TRPC4: variants seen among roughly 807,000 people sequenced by gnomAD.
TRPC4 encodes the protein transient receptor potential cation channel subfamily C member 4, also known as short transient receptor potential channel 4.
TRPC4 carries 49 observed loss-of-function variants against 99.4 expected under a neutral mutation model. The observed-to-expected ratio is 0.49, with a 90% CI of 0.39 to 0.63. The LOEUF (loss-of-function observed/expected upper bound fraction) is 0.63, where lower values mean the gene tolerates loss of function less well. TRPC4 is among the 20% of genes least tolerant of loss of function. The probability of loss-of-function intolerance (pLI) is 0.00; values close to 1 mark genes in which losing one functional copy is unlikely to be tolerated. For missense variants in TRPC4, 898 were observed against 1,152.9 expected (o/e 0.78, Z 3.20); for synonymous variants, 454 against 425.9 (o/e 1.07, Z -0.81).
chr13:37,801,665 T>C (rs1220926694), intron 1 of TRPC4, among the ~76,000 whole-genome samples: 1 of 152,130 alleles, frequency 6.6e-6, no homozygotes, highest in Admixed American at 6.6e-5. Flanking sequence ...AAGTGGGTAT[T>C]ACGAATTGTA....
rs181341657 is a variant in TRPC4, at chr13:37,756,183, C to T, written c.379-9728G>A. On this transcript the variant is annotated intron_variant, in intron 2 of 10. Coordinates refer to ENST00000379705, the MANE Select transcript of TRPC4 (RefSeq NM_016179.4). ...ATATGTATGTACATGTGTGCACACA[C>T]ACATACATACACACACATGAACACA... is the stretch of plus-strand genomic sequence containing the variant. Among the ~76,000 whole-genome samples the T allele has an allele frequency of 8.5e-5, 13 of 152,216 alleles. No individual in the cohort carries two copies. The East Asian group carries it at 2.5e-3, about 29-fold the overall frequency.
chr13:37,755,869 T>C (rs532563951), intron 2 of TRPC4, among the ~76,000 whole-genome samples: 423 of 152,214 alleles, frequency 2.8e-3, no homozygotes, highest in Non-Finnish European at 4.9e-3. Flanking sequence ...ATGAAAAAGG[T>C]GTTTGTTTTT....
chr13:37,744,589 T>A (rs1431361037), intron 3 of TRPC4, among the ~76,000 whole-genome samples: 1 of 152,166 alleles, frequency 6.6e-6, no homozygotes, highest in Non-Finnish European at 1.5e-5. Context: ...AGAAAGCAAG[T>A]TCAGGTATCT....
chr13:37,643,837 C>T (rs183375831), intron 8 of TRPC4, among the ~76,000 whole-genome samples: 2 of 152,132 alleles, frequency 1.3e-5, no homozygotes, highest in East Asian at 1.9e-4. Flanking sequence ...ATGAGACTTC[C>T]TAGCTTCTGG....
intron 3 of TRPC4, among the ~76,000 whole-genome samples, chr13:37,725,888 G>A (rs1955037493): frequency 6.6e-6 from 1 of 152,082 alleles, no homozygotes; most frequent in African/African-American, 2.4e-5. Flanking sequence ...AAAGATCACA[G>A]CAAAAGTGAG....
chr13:37,652,342 TA>T (rs1952073183), intron 7 of TRPC4, among the ~76,000 whole-genome samples: 1 of 152,238 alleles, frequency 6.6e-6, no homozygotes, highest in Non-Finnish European at 1.5e-5. Context: ...AGTAGGAGAA[TA>T]ATCTTCAACT....
intron 1 of TRPC4, among the ~76,000 whole-genome samples, chr13:37,866,977 A>G (rs1024476452): frequency 6.6e-6 from 1 of 151,600 alleles, no homozygotes; most frequent in Admixed American, 6.6e-5. Context: ...AAAGAGGTCA[A>G]TAACACTGGT....
intron 5 of TRPC4, among the ~76,000 whole-genome samples, chr13:37,673,573 C>T (rs1952938013): frequency 6.6e-6 from 1 of 151,752 alleles, no homozygotes; most frequent in East Asian, 1.9e-4. Context: ...AGAAGATAAT[C>T]CTCTGGGTTG....
At chr13:37,684,325 G>A (rs963758048) in intron 4 of TRPC4, among the ~76,000 whole-genome samples, 4 of 151,714 alleles carry the variant, frequency 2.6e-5, no homozygotes, top group Non-Finnish European at 5.9e-5. Flanking sequence ...AACATTTTGA[G>A]AAAAAAAACT....
At chr13:37,769,646 A>G (rs1416346395) in intron 2 of TRPC4, among the ~76,000 whole-genome samples, 1 of 151,424 alleles carries the variant, frequency 6.6e-6, no homozygotes, top group Non-Finnish European at 1.5e-5. Flanking sequence ...TCCTGGCTCC[A>G]GGGAATCATT....
intron 4 of TRPC4, among the ~76,000 whole-genome samples, chr13:37,683,817 A>T (rs969541342): frequency 1.3e-5 from 2 of 152,206 alleles, no homozygotes; most frequent in African/African-American, 4.8e-5. Flanking sequence ...ACAATTCCAG[A>T]TCCTTCAAGC....
At chr13:37,641,158 C>T (rs148125215) in intron 8 of TRPC4, among the ~76,000 whole-genome samples, 16 of 152,070 alleles carry the variant, frequency 1.1e-4, no homozygotes, top group Non-Finnish European at 1.9e-4. Context: ...TAGAATCTTA[C>T]TCATCCAACG....
intron 1 of TRPC4, among the ~76,000 whole-genome samples, chr13:37,806,052 T>G (rs1447050258): frequency 6.6e-6 from 1 of 151,854 alleles, no homozygotes; most frequent in African/African-American, 2.4e-5. Context: ...AGCATAACAT[T>G]GGGGAAAAGG....
Position 37,786,327 on chromosome 13 carries a change from C to G in TRPC4, c.-27-2967G>C, listed in dbSNP as rs937748193. ...ACACACACACACACACACACACACA[C>G]ACACACGTAGAGAAGAAAGAGAGAG... On this transcript the variant is annotated intron_variant, in intron 1 of 10. Coordinates refer to ENST00000379705, the MANE Select transcript of TRPC4 (RefSeq NM_016179.4). Among the ~76,000 whole-genome samples the G allele has an allele frequency of 1.6e-4, 21 of 128,110 alleles. No individual in the cohort carries two copies. The East Asian group carries it at 5.7e-3, about 35-fold the overall frequency. The allele number at this position is 128,110 out of a possible 152,430, so 84.0% of individuals were successfully genotyped here.
intron 5 of TRPC4, among the ~76,000 whole-genome samples, chr13:37,669,235 T>C (rs1200216937): frequency 6.6e-6 from 1 of 152,202 alleles, no homozygotes; most frequent in African/African-American, 2.4e-5. Flanking sequence ...TCTAATCATT[T>C]CTGCCAAACT....
chr13:37,826,051 C>A (rs1010659702), intron 1 of TRPC4, among the ~76,000 whole-genome samples: 2 of 138,152 alleles, frequency 1.4e-5, no homozygotes, highest in African/African-American at 5.5e-5. Context: ...CTCTTTTGAT[C>A]TTTGTTGGCT....
rs748715808 is a variant in TRPC4, at chr13:37,651,310, G to C, written c.2034C>G (p.Cys678Trp). 1 of 1,614,046 alleles carries C rather than the reference G, an allele frequency of 6.2e-7. No homozygotes were observed. The highest frequency in any genetic ancestry group is 1.3e-5 in the African/African-American group (1 of 75,010). The change falls in exon 8 of 11, where the codon TGC becomes TGG. Residue 678 changes from cysteine to tryptophan, a missense_variant. Coordinates refer to ENST00000379705, the MANE Select transcript of TRPC4 (RefSeq NM_016179.4). ...YLIKWIWTHL[C>W]KKKMRRKPES... ...CTGGCTTTCTTCTCATCTTTTTCTT[G>C]CACAAGTGTGTCCAGATCCATTTGA...
At position 37,634,618 on chromosome 13, in the gene TRPC4, CAGAG is replaced by C. The variant is rs562496231; in HGVS notation, c.*2281_*2284del. 7.2e-4 allele frequency among the ~76,000 whole-genome samples: 109 copies of C among 151,990 alleles called. 1 individual carries two copies. Among genetic ancestry groups the C allele is most frequent in the African/African-American group, 2.3e-3 (97 of 41,504 alleles). The stretch of plus-strand genomic sequence containing the variant: ...CTGTTATTGGTGTTGCTTGACGGAA[CAGAG>C]AGAATTTGAAATTAAATTCTGGTAA... On this transcript the variant is annotated 3_prime_UTR_variant, in exon 11 of 11. Transcript: ENST00000379705.
At chr13:37,646,112 C>T (rs1170392438) in intron 8 of TRPC4, among the ~76,000 whole-genome samples, 1 of 152,166 alleles carries the variant, frequency 6.6e-6, no homozygotes, top group Non-Finnish European at 1.5e-5. Flanking sequence ...GTGATGATAG[C>T]TGTTGCTAAT....
Sources: gnomAD v4.1 joint callset for allele counts (sites outside exome capture counted in the v4.1 genomes callset) on GRCh38, gnomAD v4.1.1 for gene constraint, MANE v1.5 for transcripts, NCBI Gene and HGNC (gene_info 2026-07-23, HGNC 2026-07-21) for gene names.